Variants in TTLL5 observed in about 807,000 individuals in gnomAD.
The protein encoded by TTLL5 is tubulin polyglutamylase TTLL5.
A neutral mutation model predicts 168.4 loss-of-function variants in TTLL5; 132 were observed. The observed-to-expected ratio is 0.78, with a 90% CI of 0.68 to 0.91. The LOEUF (loss-of-function observed/expected upper bound fraction) is 0.91, where lower values mean the gene tolerates loss of function less well. Among genes scored for constraint, TTLL5 ranks in the 40% least tolerant of loss-of-function variants. The pLI, the probability that TTLL5 is intolerant of heterozygous loss-of-function variation, is 0.00. For synonymous variants in TTLL5, 546 were observed against 558.6 expected (o/e 0.98, Z 0.32); for missense variants, 1,545 against 1,581.5 (o/e 0.98, Z 0.39).
intron 2 of TTLL5, among the ~76,000 whole-genome samples, chr14:75,667,751 GTTTT>G (rs67181555): frequency 2.2e-5 from 2 of 89,080 alleles, no homozygotes; most frequent in Non-Finnish European, 4.0e-5. Context: ...ATCTTTTTAT[GTTTT>G]TTTTTTTTTT....
chr14:75,697,168 A>G (rs1204293749), intron 6 of TTLL5, among the ~76,000 whole-genome samples: 1 of 152,240 alleles, frequency 6.6e-6, no homozygotes, highest in Non-Finnish European at 1.5e-5. Flanking sequence ...CTTTCAAGCT[A>G]CAATTGCAGA....
intron 29 of TTLL5, among the ~76,000 whole-genome samples, chr14:75,869,981 G>C (rs1040655999): frequency 6.6e-6 from 1 of 151,792 alleles, no homozygotes; most frequent in Non-Finnish European, 1.5e-5. Flanking sequence ...CACCACGCCA[G>C]GCTAATTTTT....
chr14:75,891,240 C>A lies in TTLL5; in HGVS notation c.3740+8338C>A, dbSNP rs144834361. On this transcript the variant is annotated intron_variant, in intron 30 of 31. Transcript: ENST00000298832. ...GCAGAGTGCCCTTAGGCCTCTTGAACCTAAGTCCTGCCTTTAATTCAAGAT... is the reference window on the plus strand; with the variant it reads ...GCAGAGTGCCCTTAGGCCTCTTGAAACTAAGTCCTGCCTTTAATTCAAGAT... Among the ~76,000 whole-genome samples the A allele has an allele frequency of 1.6e-3, 248 of 152,300 alleles. 1 individual carries two copies. Among genetic ancestry groups the A allele is most frequent in the Non-Finnish European group, 2.2e-3 (149 of 68,018 alleles).
At chr14:75,682,797 C>T (rs1251569170) in intron 4 of TTLL5, among the ~76,000 whole-genome samples, 4 of 149,996 alleles carry the variant, frequency 2.7e-5, no homozygotes, top group Non-Finnish European at 4.4e-5. Context: ...GATGGAGTCT[C>T]ACTGAGTTAC....
intron 28 of TTLL5, among the ~76,000 whole-genome samples, chr14:75,861,266 AAT>A (rs1292887679): frequency 1.3e-5 from 2 of 152,174 alleles, no homozygotes; most frequent in East Asian, 3.9e-4. Flanking sequence ...AAGCCGAAAG[AAT>A]ACAGTTCACG....
chr14:75,746,000 C>G (rs1266143390), intron 17 of TTLL5, among the ~76,000 whole-genome samples: 1 of 152,164 alleles, frequency 6.6e-6, no homozygotes, highest in East Asian at 1.9e-4. Context: ...ACCAGTTTAA[C>G]CACTGCTACT....
intron 29 of TTLL5, among the ~76,000 whole-genome samples, chr14:75,867,134 C>T (rs2030585589): frequency 6.6e-6 from 1 of 152,202 alleles, no homozygotes; most frequent in African/African-American, 2.4e-5. Context: ...AACTACTCAG[C>T]TCTGCCATGG....
intron 5 of TTLL5, among the ~76,000 whole-genome samples, chr14:75,688,595 T>G (rs556544499): frequency 6.6e-5 from 10 of 152,240 alleles, no homozygotes; most frequent in African/African-American, 2.2e-4. Context: ...TAAAACAACT[T>G]GGGGCTTGCT....
chr14:75,737,612 G>A, intron 15 of TTLL5: 1 of 1,535,072 alleles, frequency 6.5e-7, no homozygotes, highest in Non-Finnish European at 8.7e-7. Flanking sequence ...AAGCAGGTAA[G>A]TTCTAGATCT....
intron 31 of TTLL5, among the ~76,000 whole-genome samples, chr14:75,937,496 C>G (rs951288214): frequency 1.3e-5 from 2 of 152,048 alleles, no homozygotes; most frequent in Non-Finnish European, 2.9e-5. Context: ...AACTTTAGCT[C>G]TGTACCCATT....
chr14:75,694,585 C>T (rs996365917), intron 6 of TTLL5, among the ~76,000 whole-genome samples: 3 of 152,156 alleles, frequency 2.0e-5, no homozygotes, highest in Non-Finnish European at 2.9e-5. Context: ...CCGCCCACCT[C>T]GGCCTCCCAA....
At chr14:75,676,917 A>G (rs902588609) in intron 3 of TTLL5, among the ~76,000 whole-genome samples, 1 of 151,632 alleles carries the variant, frequency 6.6e-6, no homozygotes, top group Non-Finnish European at 1.5e-5. Context: ...TGGACTAGAG[A>G]CATGTACCAC....
At chr14:75,735,381 G>A (rs1888821178) in intron 15 of TTLL5, 92 bp downstream of exon 15, 1 of 1,237,736 alleles carries the variant, frequency 8.1e-7, no homozygotes, top group African/African-American at 1.5e-5. Flanking sequence ...GTGGGTATGA[G>A]GTCACTTAGA....
At chr14:75,756,190 A>G (rs1424340048) in intron 18 of TTLL5, among the ~76,000 whole-genome samples, 1 of 152,140 alleles carries the variant, frequency 6.6e-6, no homozygotes, top group Non-Finnish European at 1.5e-5. Flanking sequence ...AAGACAAAAC[A>G]TCTTGGTGAA....
intron 12 of TTLL5, among the ~76,000 whole-genome samples, chr14:75,731,426 AC>A (rs1311324046): frequency 1.4e-5 from 2 of 142,692 alleles, no homozygotes; most frequent in Non-Finnish European, 3.0e-5. Flanking sequence ...CACACACAGG[AC>A]TGTACATTAC....
chr14:75,744,441 G>T (rs548994781), intron 15 of TTLL5: 2 of 152,206 alleles, frequency 1.3e-5, no homozygotes, highest in South Asian at 4.1e-4. Context: ...ATCAGTGATG[G>T]ACAGGGCCCA....
chr14:75,742,661 G>T (rs1188651717), intron 15 of TTLL5, among the ~76,000 whole-genome samples: 1 of 152,168 alleles, frequency 6.6e-6, no homozygotes, highest in Admixed American at 6.5e-5. Context: ...CTCCCAAAGT[G>T]CTGGGATTAC....
chr14:75,711,135 A>G (rs957313476), intron 9 of TTLL5: 2 of 152,246 alleles, frequency 1.3e-5, no homozygotes, highest in African/African-American at 4.8e-5. Context: ...TTATTGTTTT[A>G]TTAACATAAG....
At chr14:75,936,929 A>G (rs976506458) in intron 31 of TTLL5, among the ~76,000 whole-genome samples, 1 of 152,228 alleles carries the variant, frequency 6.6e-6, no homozygotes, top group Non-Finnish European at 1.5e-5. Flanking sequence ...TTCCACCCTT[A>G]GCTTCTTATA....
Sources: gnomAD v4.1 joint callset for allele counts (sites outside exome capture counted in the v4.1 genomes callset) on GRCh38, gnomAD v4.1.1 for gene constraint, MANE v1.5 for transcripts, NCBI Gene and HGNC (gene_info 2026-07-23, HGNC 2026-07-21) for gene names.